MYO3B: variants seen among roughly 807,000 people sequenced by gnomAD.
MYO3B encodes the protein myosin-IIIb.
A neutral mutation model predicts 174.6 loss-of-function variants in MYO3B; 156 were observed. The observed-to-expected ratio is 0.89, with a 90% CI of 0.78 to 1.02. MYO3B has a LOEUF of 1.02. Ranked by LOEUF, MYO3B falls within the 50% of genes least tolerant of loss-of-function variation. The probability of loss-of-function intolerance (pLI) is 0.00; values close to 1 mark genes in which losing one functional copy is unlikely to be tolerated. For synonymous variants in MYO3B, 563 were observed against 569.1 expected, an observed-to-expected ratio of 0.99 and a Z score of 0.15; for missense variants, 1,632 against 1,639.4, an observed-to-expected ratio of 1.00 and a Z score of 0.08.
At chr2:170,368,268 A>G (rs1221790413) in intron 8 of MYO3B, among the ~76,000 whole-genome samples, 1 of 152,234 alleles carries the variant, frequency 6.6e-6, no homozygotes, top group African/African-American at 2.4e-5. Flanking sequence ...TGGATTGGGC[A>G]GAATGGCATC....
intron 7 of MYO3B, among the ~76,000 whole-genome samples, chr2:170,287,539 A>C (rs2093565556): frequency 6.6e-6 from 1 of 151,840 alleles, no homozygotes; most frequent in African/African-American, 2.4e-5. Flanking sequence ...TATTTTGAGA[A>C]GTGTCTCTTC....
At chr2:170,603,059 ACT>A (rs1694613414) in intron 32 of MYO3B, among the ~76,000 whole-genome samples, 1 of 152,032 alleles carries the variant, frequency 6.6e-6, no homozygotes, top group East Asian at 1.9e-4. Flanking sequence ...CAAGAGCGAA[ACT>A]CTGTCTCACA....
chr2:170,266,250 T>C (rs2093382368), intron 7 of MYO3B, among the ~76,000 whole-genome samples: 1 of 152,182 alleles, frequency 6.6e-6, no homozygotes, highest in South Asian at 2.1e-4. Context: ...AGATTAATTT[T>C]TGGATTTTTT....
intron 23 of MYO3B, among the ~76,000 whole-genome samples, chr2:170,449,994 AC>A (rs1397868576): frequency 6.6e-6 from 1 of 152,170 alleles, no homozygotes; most frequent in Non-Finnish European, 1.5e-5. Flanking sequence ...AAGGATCAAA[AC>A]AAGACAACTG....
intron 30 of MYO3B, among the ~76,000 whole-genome samples, chr2:170,536,553 T>A (rs938402872): frequency 6.6e-6 from 1 of 152,238 alleles, no homozygotes; most frequent in Non-Finnish European, 1.5e-5. Flanking sequence ...CCTGCAATAA[T>A]GGTGATCTTA....
chr2:170,503,477 T>C (rs894508988), intron 28 of MYO3B, among the ~76,000 whole-genome samples: 2 of 140,998 alleles, frequency 1.4e-5, no homozygotes, highest in African/African-American at 5.4e-5. Context: ...TTTTTTTTTT[T>C]AGCCTTGCAA....
At chr2:170,399,262 AAAAAGAGAGAG>A (rs2094459839) in intron 16 of MYO3B, among the ~76,000 whole-genome samples, 1 of 123,458 alleles carries the variant, frequency 8.1e-6, no homozygotes, top group Non-Finnish European at 1.7e-5. Flanking sequence ...AAAAAAAAAA[AAAAAGAGAGAG>A]ACCAGTCTGG....
intron 25 of MYO3B, among the ~76,000 whole-genome samples, chr2:170,493,870 G>A (rs997123438): frequency 2.2e-4 from 33 of 152,140 alleles, no homozygotes; most frequent in Non-Finnish European, 1.8e-4. Context: ...AACAGCCAGT[G>A]AGGAATAGAA....
chr2:170,578,596 A>G (rs1270433397), intron 32 of MYO3B, among the ~76,000 whole-genome samples: 2 of 152,230 alleles, frequency 1.3e-5, no homozygotes, highest in Non-Finnish European at 2.9e-5. Context: ...TTTACATTTT[A>G]CATAATCTGT....
At chr2:170,530,081 G>T (rs1463914951) in intron 30 of MYO3B, among the ~76,000 whole-genome samples, 4 of 152,160 alleles carry the variant, frequency 2.6e-5, no homozygotes, top group African/African-American at 9.7e-5. Context: ...GTTAACAGTA[G>T]TAATGCCACA....
At chr2:170,557,599 T>G (rs192074630) in intron 32 of MYO3B, among the ~76,000 whole-genome samples, 1 of 152,320 alleles carries the variant, frequency 6.6e-6, no homozygotes, top group Non-Finnish European at 1.5e-5. Context: ...ACCCACTAAA[T>G]GGCAGACACT....
At chr2:170,584,878 G>A (rs1693401633) in intron 32 of MYO3B, among the ~76,000 whole-genome samples, 1 of 152,216 alleles carries the variant, frequency 6.6e-6, no homozygotes, top group African/African-American at 2.4e-5. Flanking sequence ...ACAGTAGGTA[G>A]TTACTCTAGA....
chr2:170,593,155 T>C (rs1268184400), intron 32 of MYO3B, among the ~76,000 whole-genome samples: 1 of 152,106 alleles, frequency 6.6e-6, no homozygotes, highest in Non-Finnish European at 1.5e-5. Context: ...TGGAGTGTAG[T>C]GGCATGATCA....
chr2:170,629,669 G>T (rs578083025), intron 32 of MYO3B, among the ~76,000 whole-genome samples: 3 of 152,082 alleles, frequency 2.0e-5, no homozygotes, highest in Non-Finnish European at 4.4e-5. Flanking sequence ...GGGCAACATG[G>T]TGAAACTCCA....
chr2:170,412,540 C>G (rs1307698892), intron 22 of MYO3B: 2 of 152,150 alleles, frequency 1.3e-5, no homozygotes, highest in Non-Finnish European at 2.9e-5. Flanking sequence ...CTTCTATTTG[C>G]TCCTCTTTTT....
intron 30 of MYO3B, among the ~76,000 whole-genome samples, chr2:170,533,024 G>A (rs1689458021): frequency 6.6e-6 from 1 of 152,068 alleles, no homozygotes; most frequent in African/African-American, 2.4e-5. Flanking sequence ...ATAAAAAGTT[G>A]CAATAAACAA....
intron 5 of MYO3B, among the ~76,000 whole-genome samples, chr2:170,215,787 C>A (rs1027429484): frequency 1.3e-5 from 2 of 152,116 alleles, no homozygotes; most frequent in Non-Finnish European, 2.9e-5. Context: ...CAATAATATG[C>A]TGTGTGTATG....
intron 7 of MYO3B, among the ~76,000 whole-genome samples, chr2:170,328,401 T>C (rs13002696): frequency 0.51 from 77,029 of 151,836 alleles, 21,236 homozygotes; most frequent in East Asian, 0.66. Context: ...CCACAGAGCA[T>C]TATTCATAAT....
chr2:170,366,810 A>G (rs761195300), intron 8 of MYO3B, among the ~76,000 whole-genome samples: 4 of 152,170 alleles, frequency 2.6e-5, no homozygotes, highest in Admixed American at 6.5e-5. Flanking sequence ...TTGCTTCTCC[A>G]GTGGATGCTA....
Sources: gnomAD v4.1 joint callset for allele counts (sites outside exome capture counted in the v4.1 genomes callset) on GRCh38, gnomAD v4.1.1 for gene constraint, MANE v1.5 for transcripts, NCBI Gene and HGNC (gene_info 2026-07-23, HGNC 2026-07-21) for gene names.